TTLL5: variants seen among roughly 807,000 people sequenced by gnomAD.
The protein encoded by TTLL5 is tubulin polyglutamylase TTLL5.
A neutral mutation model predicts 168.4 loss-of-function variants in TTLL5; 132 were observed. That is an observed-to-expected ratio of 0.78 (90% CI 0.68 to 0.91). TTLL5 has a LOEUF of 0.91. TTLL5 is among the 40% of genes least tolerant of loss of function. The probability of loss-of-function intolerance (pLI) is 0.00; values close to 1 mark genes in which losing one functional copy is unlikely to be tolerated. For missense variants in TTLL5, 1,545 were observed against 1,581.5 expected (o/e 0.98, Z 0.39); for synonymous variants, 546 against 558.6 (o/e 0.98, Z 0.32).
intron 27 of TTLL5, among the ~76,000 whole-genome samples, chr14:75,816,489 A>G (rs944000102): frequency 2.0e-5 from 3 of 152,218 alleles, no homozygotes; most frequent in African/African-American, 7.2e-5. Context: ...TAAGATGCAT[A>G]TGATGATGTT....
chr14:75,894,877 C>G (rs994626775), intron 30 of TTLL5, among the ~76,000 whole-genome samples: 3 of 152,086 alleles, frequency 2.0e-5, no homozygotes, highest in African/African-American at 7.2e-5. Context: ...AAGAAAAGCA[C>G]TTGTATGCAC....
intron 31 of TTLL5, among the ~76,000 whole-genome samples, chr14:75,908,721 A>G (rs1856627737): frequency 1.3e-5 from 2 of 151,982 alleles, no homozygotes; most frequent in Admixed American, 6.6e-5. Flanking sequence ...TAGATTCTGT[A>G]TTTGTCTGTT....
intron 29 of TTLL5, among the ~76,000 whole-genome samples, chr14:75,867,757 C>CCAAAAAAAAAAAAAAAA (rs2030645377): frequency 7.2e-6 from 1 of 139,766 alleles, no homozygotes; most frequent in Non-Finnish European, 1.6e-5. Flanking sequence ...GAGACTGTCT[C>CCAAAAAAAAAAAAAAAA]CAAAAAAAAA....
intron 9 of TTLL5, chr14:75,712,395 A>G (rs1015415605): frequency 6.7e-6 from 1 of 148,812 alleles, no homozygotes; most frequent in African/African-American, 2.5e-5. Flanking sequence ...TTGTCAGAAA[A>G]TATAACTACC....
At chr14:75,898,734 C>T (rs148353899) in intron 30 of TTLL5, among the ~76,000 whole-genome samples, 109 of 152,326 alleles carry the variant, frequency 7.2e-4, no homozygotes, top group African/African-American at 2.4e-3. Flanking sequence ...ATTTGGTGCA[C>T]AGTTGAATAA....
intron 31 of TTLL5, among the ~76,000 whole-genome samples, chr14:75,919,211 A>AAAGG (rs2033733695): frequency 6.7e-6 from 1 of 150,306 alleles, no homozygotes; most frequent in Non-Finnish European, 1.5e-5. Context: ...AAAAAAAAAA[A>AAAGG]AAAAAAAAAA....
At chr14:75,815,722 G>T (rs1195769125) in intron 27 of TTLL5, among the ~76,000 whole-genome samples, 1 of 152,160 alleles carries the variant, frequency 6.6e-6, no homozygotes, top group East Asian at 1.9e-4. Flanking sequence ...ATAATTAAGG[G>T]TAACTAGGAT....
chr14:75,943,317 TG>T (rs751937979), intron 31 of TTLL5, among the ~76,000 whole-genome samples: 1 of 152,188 alleles, frequency 6.6e-6, no homozygotes, highest in Non-Finnish European at 1.5e-5. Context: ...CCTTCTAGAC[TG>T]GGACCCCAGA....
intron 15 of TTLL5, among the ~76,000 whole-genome samples, chr14:75,743,470 C>T (rs1158815607): frequency 6.6e-6 from 1 of 150,686 alleles, no homozygotes; most frequent in Non-Finnish European, 1.5e-5. Flanking sequence ...TTTCTGTTGG[C>T]TTATAGGTCT....
At chr14:75,714,539 A>G (rs967388976) in intron 9 of TTLL5, among the ~76,000 whole-genome samples, 1 of 151,936 alleles carries the variant, frequency 6.6e-6, no homozygotes, top group African/African-American at 2.4e-5. Context: ...TTATTTATTC[A>G]TCTATTTATT....
rs948754620 is a variant in TTLL5, at chr14:75,783,250, T to C, written c.2706T>C (p.Ser902=). The C allele has an allele frequency of 3.1e-6, 5 of 1,614,114 alleles. No individual in the cohort carries two copies. Among genetic ancestry groups the C allele is most frequent in the Non-Finnish European group, 4.2e-6 (5 of 1,180,036 alleles). The change falls in exon 26 of 32, where the codon TCT becomes TCC. Residue 902 remains serine, a synonymous_variant. Coordinates refer to ENST00000298832, the MANE Select transcript of TTLL5 (RefSeq NM_015072.5). Reference sequence around the variant, plus strand: ...AAATTCCCAACACCCATTTGTCATCTGTTACAACCTCTGACCTCTCTCCAG... The same window carrying C: ...AAATTCCCAACACCCATTTGTCATCCGTTACAACCTCTGACCTCTCTCCAG... The part of the protein sequence containing the change: ...LQKIPNTHLS[S]VTTSDLSPGP...
At chr14:75,815,939 G>A (rs1385626014) in intron 27 of TTLL5, among the ~76,000 whole-genome samples, 2 of 152,160 alleles carry the variant, frequency 1.3e-5, no homozygotes, top group Non-Finnish European at 2.9e-5. Flanking sequence ...GCCTAACACC[G>A]CTACTGTAAG....
intron 6 of TTLL5, among the ~76,000 whole-genome samples, chr14:75,696,659 T>C (rs1254841018): frequency 6.6e-6 from 1 of 152,198 alleles, no homozygotes; most frequent in Non-Finnish European, 1.5e-5. Flanking sequence ...CAAAAGAAAT[T>C]CCAAAACAGT....
At chr14:75,884,841 T>C (rs1478640657) in intron 30 of TTLL5, among the ~76,000 whole-genome samples, 1 of 151,702 alleles carries the variant, frequency 6.6e-6, no homozygotes, top group Non-Finnish European at 1.5e-5. Context: ...CAGTGAAAAG[T>C]TCCCCCTATG....
At position 75,673,717 on chromosome 14, in the gene TTLL5, G is replaced by A. The variant is rs538501717; in HGVS notation, c.181+4195G>A. ...TGATTGAATAAGATCTACTCTACTT[G>A]TAAATGACTTTTGTCTTGTCCCTTA... On this transcript the variant is annotated intron_variant, in intron 3 of 31. Transcript: ENST00000298832. 3.0e-4 allele frequency among the ~76,000 whole-genome samples: 45 copies of A among 152,298 alleles called. No homozygotes were observed. In the South Asian group the frequency reaches 6.8e-3, roughly 23 times the overall value.
At chr14:75,763,622 T>C (rs1207840970) in intron 18 of TTLL5, among the ~76,000 whole-genome samples, 3 of 152,084 alleles carry the variant, frequency 2.0e-5, no homozygotes, top group African/African-American at 7.2e-5. Context: ...GCGTAGAGAG[T>C]TGGCTACATG....
At chr14:75,902,462 A>G in intron 31 of TTLL5, 1 of 665,682 alleles carries the variant, frequency 1.5e-6, no homozygotes, top group Non-Finnish European at 2.8e-6. Context: ...ATCTTATAAA[A>G]TGCTGTCAGA....
At chr14:75,945,593 A>T (rs541894550) in intron 31 of TTLL5, among the ~76,000 whole-genome samples, 1 of 152,222 alleles carries the variant, frequency 6.6e-6, no homozygotes, top group African/African-American at 2.4e-5. Context: ...TCTGCCCAAA[A>T]AATAATAATA....
intron 3 of TTLL5, among the ~76,000 whole-genome samples, chr14:75,675,784 A>G (rs1594850834): frequency 6.6e-6 from 1 of 152,206 alleles, no homozygotes; most frequent in African/African-American, 2.4e-5. Context: ...GCCCAGGTAC[A>G]TATTAGTCAG....
Sources: gnomAD v4.1 joint callset for allele counts (sites outside exome capture counted in the v4.1 genomes callset) on GRCh38, gnomAD v4.1.1 for gene constraint, MANE v1.5 for transcripts, NCBI Gene and HGNC (gene_info 2026-07-23, HGNC 2026-07-21) for gene names.